SEPTIN4: variants seen among roughly 807,000 people sequenced by gnomAD.
The protein encoded by SEPTIN4 is septin 4.
Under a neutral mutation model 107.1 loss-of-function variants are expected in SEPTIN4, and 52 were observed. The ratio of observed to expected loss-of-function variants is 0.49; its 90% CI spans 0.39 to 0.61. SEPTIN4 has a LOEUF of 0.61. SEPTIN4 is among the 20% of genes least tolerant of loss of function. The pLI is 0.00. For missense variants in SEPTIN4, 1,048 were observed against 1,243.5 expected, an observed-to-expected ratio of 0.84 and a Z score of 2.36; for synonymous variants, 417 against 467.0, an observed-to-expected ratio of 0.89 and a Z score of 1.38.
At chr17:58,539,951 C>T (rs780297728) in intron 3 of SEPTIN4, among the ~76,000 whole-genome samples, 20 of 152,124 alleles carry the variant, frequency 1.3e-4, no homozygotes, top group African/African-American at 2.2e-4. Context: ...TTAGGCTGAC[C>T]CCCACTATGC....
intron 3 of SEPTIN4, chr17:58,528,969 G>T: frequency 1.1e-6 from 1 of 913,162 alleles, no homozygotes; most frequent in South Asian, 1.5e-5. Context: ...AAGGAGTCAG[G>T]ACACCAGGGT....
chr17:58,527,121 C>T, intron 3 of SEPTIN4, 143 bp from the exon 4 acceptor site: 1 of 1,374,064 alleles, frequency 7.3e-7, no homozygotes, highest in East Asian at 2.3e-5. Context: ...AAACTGCAGC[C>T]AAGACAGAGG....
In SEPTIN4 at chr17:58,521,503, G is replaced by A. The variant is rs754310213; in HGVS notation, c.2571+42C>T. 3 of 1,604,830 alleles carry A rather than the reference G, an allele frequency of 1.9e-6. No homozygotes were observed. In the South Asian group the frequency reaches 3.3e-5, roughly 18 times the overall value. ...GAATTCTACTCCCTTTTTCTACCCG[G>A]AAGAAATAAGATAGGAATGGGATGC... On this transcript the variant is annotated intron_variant, in intron 10 of 13. Coordinates refer to ENST00000672673, the MANE Select transcript of SEPTIN4 (RefSeq NM_001368771.2). This position sits in a 1 kb window ranked among gnomAD's most constrained non-coding sequence, Gnocchi z 6.4.
In SEPTIN4 at chr17:58,521,400, C is replaced by T; in HGVS notation, c.2572-50G>A. The T allele has an allele frequency of 6.3e-7, 1 of 1,591,154 alleles. No homozygotes were observed. The highest frequency in any genetic ancestry group is 2.2e-5 in the East Asian group (1 of 44,794). On this transcript the variant is annotated intron_variant, in intron 10 of 13. Coordinates refer to ENST00000672673, the MANE Select transcript of SEPTIN4 (RefSeq NM_001368771.2). The surrounding 1 kb of genome is among the most constrained non-coding windows in gnomAD (Gnocchi z 6.4). ...CAGCACCCTCTGTTCTCACCTCTTT[C>T]TTTCCACCTGTATCGTCATCTTCTC...
Position 58,542,885 on chromosome 17 carries a change from T to C in SEPTIN4, c.1302A>G (p.Glu434=). ...TCAGCTGGCTTTGGGGTGTTTCAACTTCAGGATTCAGCAAGGGCCACCATG... is the reference window on the plus strand; with the variant it reads ...TCAGCTGGCTTTGGGGTGTTTCAACCTCAGGATTCAGCAAGGGCCACCATG... The part of the protein sequence containing the change: ...DSSWWPLLNP[E]VETPQSQLTT... The change falls in exon 1 of 14, where the codon GAA becomes GAG. Residue 434 remains glutamate, a synonymous_variant. Transcript: ENST00000672673. The C allele has an allele frequency of 1.9e-6, 3 of 1,614,174 alleles. No individual in the cohort carries two copies. The highest frequency in any genetic ancestry group is 2.5e-6 in the Non-Finnish European group (3 of 1,180,024).
In SEPTIN4 at chr17:58,521,114, C is replaced by T. The variant is rs2042220332; in HGVS notation, c.2715G>A (p.Leu905=). 1.2e-6 allele frequency: 2 copies of T among 1,614,158 alleles called. No homozygotes were observed. The highest frequency in any genetic ancestry group is 1.7e-6 in the Non-Finnish European group (2 of 1,180,030). The part of the protein sequence containing the change: ...HCDFVKLRTM[L]VRTHMQDLKD... ...TCAGGTCCTGCATGTGGGTACGTAC[C>T]AGCATTGTCCTCAGCTTCACAAAGT... Residue 905 remains leucine (L), a synonymous_variant, in exon 12 of 14, where the codon CTG becomes CTA. Transcript: ENST00000672673. The surrounding 1 kb of genome is among the most constrained non-coding windows in gnomAD (Gnocchi z 6.4).
chr17:58,526,834 G>C lies in SEPTIN4; in HGVS notation c.1759C>G (p.Pro587Ala), dbSNP rs756115008. 2 of 1,613,742 alleles carry C rather than the reference G, an allele frequency of 1.2e-6. No individual in the cohort carries two copies. The highest frequency in any genetic ancestry group is 1.1e-5 in the South Asian group (1 of 91,052). Residue 587 changes from proline (P) to alanine (A), a missense_variant, in exon 4 of 14, where the codon CCG (proline) becomes GCG (alanine). By Grantham distance (27) the Pro-to-Ala change is conservative (BLOSUM62 -1). Coordinates refer to ENST00000672673, the MANE Select transcript of SEPTIN4 (RefSeq NM_001368771.2). ...TCCAGGTCATCATCATAGAGGTCCG[G>C]GGCCTGGGGCCTTGGCTCCGGGACT... ...PQVPEPRPQA[P>A]DLYDDDLEFR...
At position 58,544,123 on chromosome 17, in the gene SEPTIN4, T is replaced by C. The variant is rs1162840046; in HGVS notation, c.64A>G (p.Thr22Ala). Residue 22 changes from threonine (T) to alanine (A), a missense_variant, in exon 1 of 14, where the codon ACT (threonine) becomes GCT (alanine). This residue lies in a region of SEPTIN4 where 787 missense variants were observed against 871.8 expected (regional missense o/e 0.90). Coordinates refer to ENST00000672673, the MANE Select transcript of SEPTIN4 (RefSeq NM_001368771.2). Reference sequence around the variant, plus strand: ...CCCTGCTGAGGGGATGTGTTAGTAGTAACCTCAGACCCTCTCTGTGCTGAA... The same window carrying C: ...CCCTGCTGAGGGGATGTGTTAGTAGCAACCTCAGACCCTCTCTGTGCTGAA... The part of the protein sequence containing the change: ...AVSAQRGSEV[T>A]TNTSPQQGHG... 1.4e-5 allele frequency: 22 copies of C among 1,614,014 alleles called. No homozygotes were observed. Among genetic ancestry groups the C allele is most frequent in the Non-Finnish European group, 1.9e-5 (22 of 1,179,990 alleles).
chr17:58,527,644 C>A (rs1004089869), intron 3 of SEPTIN4: 36 of 170,942 alleles, frequency 2.1e-4, no homozygotes, highest in Non-Finnish European at 1.1e-4. Flanking sequence ...CCAAATCTGA[C>A]CCTGGGCCCT....
In SEPTIN4 at chr17:58,525,337, G is replaced by C. The variant is rs960568245; in HGVS notation, c.2093-136C>G. 4 of 1,075,378 alleles carry C rather than the reference G, an allele frequency of 3.7e-6. No individual in the cohort carries two copies. The African/African-American group carries it at 6.3e-5, about 17-fold the overall frequency. The allele number at this position is 1,075,378 out of a possible 1,614,324, so 66.6% of individuals were successfully genotyped here. On this transcript the variant is annotated intron_variant, in intron 6 of 13. Coordinates refer to ENST00000672673, the MANE Select transcript of SEPTIN4 (RefSeq NM_001368771.2). Reference sequence around the variant, plus strand: ...CCTTCTCCACTCCCAAGCTGTCTGGGGGACTGTTCTCTGGGAACCAGCAAG... The same window carrying C: ...CCTTCTCCACTCCCAAGCTGTCTGGCGGACTGTTCTCTGGGAACCAGCAAG...
At position 58,526,967 on chromosome 17, in the gene SEPTIN4, G is replaced by A. The variant is rs553661885; in HGVS notation, c.1626C>T (p.Phe542=). ...WWLKDEEIKR[F]LEDTTDDGEL... ...CTCCATCATCCGTGGTGTCCTCCAG[G>A]AAACGCTTGATCTGGGGGAAGCGGG... The change falls in exon 4 of 14, where the codon TTC becomes TTT. Residue 542 remains phenylalanine (F), a synonymous_variant. Transcript: ENST00000672673. 3.1e-6 allele frequency: 5 copies of A among 1,614,108 alleles called. No individual in the cohort carries two copies. In the South Asian group the frequency reaches 5.5e-5, roughly 18 times the overall value.
In SEPTIN4 at chr17:58,544,247, T is replaced by C; in HGVS notation, c.-61A>G. On this transcript the variant is annotated 5_prime_UTR_variant, in exon 1 of 14. Coordinates refer to ENST00000672673, the MANE Select transcript of SEPTIN4 (RefSeq NM_001368771.2). The stretch of plus-strand genomic sequence containing the variant: ...TTTACTGGCTGGCTTGTATTCAGGA[T>C]CCTAATGATGCCTGAATATTTACCC... 6.6e-7 allele frequency: 1 copy of C among 1,523,410 alleles called. No homozygotes were observed. Among genetic ancestry groups the C allele is most frequent in the South Asian group, 1.3e-5 (1 of 78,042 alleles). 94.4% of individuals were successfully genotyped at this position (1,523,410 alleles called of 1,614,324 possible).
chr17:58,529,969 T>C (rs938722689), intron 3 of SEPTIN4: 10 of 152,186 alleles, frequency 6.6e-5, no homozygotes, highest in African/African-American at 2.4e-4. Flanking sequence ...GATCACTCCA[T>C]GGCTTCCATA....
intron 3 of SEPTIN4, among the ~76,000 whole-genome samples, chr17:58,537,995 G>A (rs762945498): frequency 1.3e-5 from 2 of 152,182 alleles, no homozygotes; most frequent in Non-Finnish European, 2.9e-5. Context: ...TCAGGAGGCT[G>A]AGGCAGAAGG....
chr17:58,522,397 C>G (rs577656606), intron 7 of SEPTIN4, among the ~76,000 whole-genome samples: 32 of 152,162 alleles, frequency 2.1e-4, no homozygotes, highest in African/African-American at 7.7e-4. Context: ...CGGTGGCTTA[C>G]CCCTGTAATC....
rs1433302059 is a variant in SEPTIN4, at chr17:58,543,525, C to T, written c.662G>A (p.Ser221Asn). Residue 221 changes from serine to asparagine, a missense_variant, in exon 1 of 14, where the codon AGT becomes AAT. Coordinates refer to ENST00000672673, the MANE Select transcript of SEPTIN4 (RefSeq NM_001368771.2). The part of the protein sequence containing the change: ...TTTSEIRSPR[S>N]PSLLEHGSSC... ...GCTTCCGTGCTCTAGGAGAGAGGGACTCCTTGGAGATCTGATCTCACTAGT... is the reference window on the plus strand; with the variant it reads ...GCTTCCGTGCTCTAGGAGAGAGGGATTCCTTGGAGATCTGATCTCACTAGT... The T allele has an allele frequency of 2.5e-6, 4 of 1,614,194 alleles. No homozygotes were observed. The East Asian group carries it at 6.7e-5, about 27-fold the overall frequency.
Position 58,543,173 on chromosome 17 carries a change from G to T in SEPTIN4, c.1014C>A (p.Ser338=). ...NSEVGRRVTI[S]PGVQSVEPTH... ...TTGGCTCTACTGACTGTACCCCTGG[G>T]GAGATGGTGACCCTGCGGCCAACCT... Residue 338 remains serine (S), a synonymous_variant, in exon 1 of 14, where the codon TCC becomes TCA. Coordinates refer to ENST00000672673, the MANE Select transcript of SEPTIN4 (RefSeq NM_001368771.2). The T allele has an allele frequency of 1.2e-6, 2 of 1,614,014 alleles. No individual in the cohort carries two copies. The highest frequency in any genetic ancestry group is 1.3e-5 in the African/African-American group (1 of 75,030).
In SEPTIN4 at chr17:58,525,200, C is replaced by G. The variant is rs752593975; in HGVS notation, c.2094G>C (p.Glu698Asp). The G allele has an allele frequency of 6.2e-7, 1 of 1,613,814 alleles. No individual in the cohort carries two copies. The highest frequency in any genetic ancestry group is 1.1e-5 in the South Asian group (1 of 91,060). ...YRDRKLLGAE[E>D]RIMQTVEITK... is the part of the protein sequence containing the mutation. ...TGATCTCCACAGTTTGCATGATCCT[C>G]TCTGGAGAAAGGGGAAACTGAGGCC... The change falls in exon 7 of 14, where the codon GAG becomes GAC. Residue 698 changes from glutamate to aspartate, a missense_variant and splice_region_variant. Physicochemically the swap from Glu to Asp is conservative, Grantham distance 45. Coordinates refer to ENST00000672673, the MANE Select transcript of SEPTIN4 (RefSeq NM_001368771.2).
chr17:58,540,467 G>A (rs774863195), intron 3 of SEPTIN4, among the ~76,000 whole-genome samples, 199 bp downstream of exon 3: 1 of 152,206 alleles, frequency 6.6e-6, no homozygotes, highest in African/African-American at 2.4e-5. Flanking sequence ...TGCACAGCTT[G>A]GCAAATGGAA....
Sources: gnomAD v4.1 joint callset for allele counts (sites outside exome capture counted in the v4.1 genomes callset) on GRCh38, gnomAD v4.1.1 for gene constraint, gnomAD v4.1.1 regional missense constraint, Gnocchi (gnomAD v3.1) non-coding constraint, MANE v1.5 for transcripts, NCBI Gene and HGNC (gene_info 2026-07-23, HGNC 2026-07-21) for gene names.